Variants in NBAS observed in about 807,000 individuals in gnomAD.
NBAS encodes the protein NBAS subunit of NRZ tethering complex, also known as NAG/BC035112 fusion.
In NBAS, 219 loss-of-function variants were observed where a neutral mutation model predicts 302.5. The observed-to-expected ratio is 0.72, with a 90% CI of 0.65 to 0.81. The LOEUF (loss-of-function observed/expected upper bound fraction) is 0.81, where lower values mean the gene tolerates loss of function less well. Ranked by LOEUF, NBAS falls within the 30% of genes least tolerant of loss-of-function variation. The pLI, the probability that NBAS is intolerant of heterozygous loss-of-function variation, is 0.00. For missense variants in NBAS, 2,932 were observed against 2,841.6 expected (o/e 1.03, Z -0.72); for synonymous variants, 1,118 against 1,021.6 (o/e 1.09, Z -1.80).
At chr2:15,087,223 A>AACAC in the NBAS span, among the ~76,000 whole-genome samples, 1,068 of 143,266 alleles carry the variant, frequency 7.5e-3, 4 homozygotes, top group Admixed American at 0.018. Flanking sequence ...TTTTTATACA[A>AACAC]ACACACACAC....
intron 10 of NBAS, among the ~76,000 whole-genome samples, chr2:15,509,278 T>C (rs923078143): frequency 2.6e-5 from 4 of 152,190 alleles, no homozygotes; most frequent in African/African-American, 9.7e-5. Flanking sequence ...GTTCAGTTAT[T>C]ATGCTCTATG....
the NBAS span, among the ~76,000 whole-genome samples, chr2:14,954,183 A>T: frequency 6.6e-6 from 1 of 152,240 alleles, no homozygotes; most frequent in East Asian, 1.9e-4. Flanking sequence ...GAAAAAGTAC[A>T]AACAGAATGT....
intron 44 of NBAS, among the ~76,000 whole-genome samples, chr2:15,267,664 GATGTA>G (rs1669139684): frequency 6.6e-6 from 1 of 152,018 alleles, no homozygotes; most frequent in African/African-American, 2.4e-5. Context: ...TTCATTCAAA[GATGTA>G]ATGTATATAC....
chr2:14,785,921 G>T, the NBAS span, among the ~76,000 whole-genome samples: 3 of 152,046 alleles, frequency 2.0e-5, no homozygotes, highest in Non-Finnish European at 4.4e-5. Flanking sequence ...TGTACCTCTG[G>T]TAGAATTCGG....
At chr2:15,020,729 G>A in the NBAS span, among the ~76,000 whole-genome samples, 4 of 152,210 alleles carry the variant, frequency 2.6e-5, no homozygotes, top group Middle Eastern at 3.4e-3. Context: ...GGCTTTTGTG[G>A]GTAAAATCTC....
At chr2:15,379,041 G>C (rs1674895031) in intron 30 of NBAS, among the ~76,000 whole-genome samples, 1 of 152,048 alleles carries the variant, frequency 6.6e-6, no homozygotes, top group Non-Finnish European at 1.5e-5. Context: ...CGAGAACTCA[G>C]GTCATGAACA....
the NBAS span, among the ~76,000 whole-genome samples, chr2:15,132,743 T>TA: frequency 1.9e-4 from 28 of 150,844 alleles, no homozygotes; most frequent in African/African-American, 1.2e-4. Context: ...AAAACTGCTC[T>TA]AAAAAAAAAG....
the NBAS span, among the ~76,000 whole-genome samples, chr2:15,034,037 A>AAG: frequency 2.4e-5 from 1 of 42,024 alleles, no homozygotes; most frequent in Non-Finnish European, 3.9e-5. Flanking sequence ...GAGGAGGAGG[A>AAG]AGGAGGAGGA....
intron 10 of NBAS, 115 bp downstream of exon 10, chr2:15,511,097 T>G: frequency 7.8e-7 from 1 of 1,274,312 alleles, no homozygotes; most frequent in Non-Finnish European, 1.1e-6. Context: ...TTCACTGTCC[T>G]CATTCAAGAT....
chr2:15,153,631 C>T, the NBAS span, among the ~76,000 whole-genome samples: 16 of 152,328 alleles, frequency 1.1e-4, no homozygotes, highest in African/African-American at 3.6e-4. Context: ...ATTTTTAAAT[C>T]GTGTTATTCC....
chr2:15,306,990 C>T (rs1671061191), intron 40 of NBAS, among the ~76,000 whole-genome samples: 1 of 152,172 alleles, frequency 6.6e-6, no homozygotes, highest in African/African-American at 2.4e-5. Flanking sequence ...CAAGGGCGTC[C>T]TCACAGTGAG....
chr2:14,994,599 C>T, the NBAS span, among the ~76,000 whole-genome samples: 2 of 152,342 alleles, frequency 1.3e-5, no homozygotes, highest in South Asian at 2.1e-4. Context: ...CCGAGAGTCA[C>T]AGCCTGGGAG....
chr2:14,892,008 C>A, the NBAS span, among the ~76,000 whole-genome samples: 1 of 152,194 alleles, frequency 6.6e-6, no homozygotes, highest in Non-Finnish European at 1.5e-5. Flanking sequence ...TCAGTTTCCT[C>A]TTTTATAACA....
chr2:15,163,330 C>A (rs1663940206), downstream of NBAS, among the ~76,000 whole-genome samples: 1 of 152,168 alleles, frequency 6.6e-6, no homozygotes, highest in South Asian at 2.1e-4. Context: ...TGGATCCTTT[C>A]ATTTTCTGTG....
chr2:15,225,925 T>G (rs1447816933), intron 47 of NBAS, among the ~76,000 whole-genome samples: 1 of 152,156 alleles, frequency 6.6e-6, no homozygotes, highest in Non-Finnish European at 1.5e-5. Context: ...AGAGACAAGG[T>G]AAGACCTTGC....
chr2:14,963,331 C>T, the NBAS span, among the ~76,000 whole-genome samples: 3 of 152,224 alleles, frequency 2.0e-5, no homozygotes, highest in African/African-American at 7.2e-5. Context: ...CACACTCAAT[C>T]GTTTAAATAT....
rs529930346 is a variant in NBAS, at chr2:15,417,401, G to C, written c.2763+126C>G. 4 of 831,932 alleles carry C rather than the reference G, an allele frequency of 4.8e-6. No homozygotes were observed. The East Asian group carries it at 8.0e-5, about 17-fold the overall frequency. The allele number at this position is 831,932 out of a possible 1,614,324, so 51.5% of individuals were successfully genotyped here. Reference sequence around the variant, plus strand: ...TGCATAATATTTTACTGTGAAAAAAGTCAATCTTTATTTACTAACTTCTCA... The same window carrying C: ...TGCATAATATTTTACTGTGAAAAAACTCAATCTTTATTTACTAACTTCTCA... On this transcript the variant is annotated intron_variant, in intron 24 of 51. Transcript: ENST00000281513.
chr2:14,809,420 G>T, the NBAS span, among the ~76,000 whole-genome samples: 2 of 152,332 alleles, frequency 1.3e-5, no homozygotes, highest in East Asian at 1.9e-4. Context: ...GCTAACAGGG[G>T]TCAAGGTACA....
chr2:15,511,154 G>C, intron 10 of NBAS, 58 bp downstream of exon 10: 7 of 1,604,818 alleles, frequency 4.4e-6, no homozygotes, highest in Middle Eastern at 3.3e-4. Context: ...ATTTGTCTAA[G>C]ACAAATAGCA....
Sources: gnomAD v4.1 joint callset for allele counts (sites outside exome capture counted in the v4.1 genomes callset) on GRCh38, gnomAD v4.1.1 for gene constraint, MANE v1.5 for transcripts, NCBI Gene and HGNC (gene_info 2026-07-23, HGNC 2026-07-21) for gene names.